The following ARHGAP26 variants were observed in gnomAD, a reference collection of about 807,000 sequenced individuals.
The protein encoded by ARHGAP26 is Rho GTPase activating protein 26.
In ARHGAP26, 38 loss-of-function variants were observed where a neutral mutation model predicts 104.8. The ratio of observed to expected loss-of-function variants is 0.36; its 90% CI spans 0.28 to 0.48. The LOEUF (loss-of-function observed/expected upper bound fraction) is 0.48. Ranked by LOEUF, ARHGAP26 falls within the 20% of genes least tolerant of loss-of-function variation. ARHGAP26 has a pLI of 0.99. For synonymous variants in ARHGAP26, 341 were observed against 340.0 expected, an observed-to-expected ratio of 1.00 and a Z score of -0.03; for missense variants, 704 against 947.9, an observed-to-expected ratio of 0.74 and a Z score of 3.38.
intron 11 of ARHGAP26, among the ~76,000 whole-genome samples, chr5:143,006,222 A>G (rs1419896368): frequency 6.6e-6 from 1 of 152,084 alleles, no homozygotes; most frequent in Non-Finnish European, 1.5e-5. Context: ...TGGGGAGAAC[A>G]AAGCGGTCAC....
intron 17 of ARHGAP26, among the ~76,000 whole-genome samples, chr5:143,086,316 A>G (rs77336466): frequency 0.013 from 2,016 of 151,708 alleles, 55 homozygotes; most frequent in East Asian, 0.076. Context: ...TAGAATTTTG[A>G]CTGTGGGGGA....
At chr5:143,027,447 G>C (rs1212837371) in intron 12 of ARHGAP26, among the ~76,000 whole-genome samples, 1 of 151,298 alleles carries the variant, frequency 6.6e-6, no homozygotes, top group Non-Finnish European at 1.5e-5. Context: ...GCCTCCCAAA[G>C]TGCTGGGATT....
intron 1 of ARHGAP26, among the ~76,000 whole-genome samples, chr5:142,787,183 G>C (rs1758846158): frequency 1.3e-5 from 2 of 152,172 alleles, no homozygotes; most frequent in Non-Finnish European, 2.9e-5. Context: ...GTAACATTTA[G>C]TGGCTTATTT....
At chr5:142,924,387 T>G (rs1249726382) in intron 10 of ARHGAP26, among the ~76,000 whole-genome samples, 1 of 152,254 alleles carries the variant, frequency 6.6e-6, no homozygotes, top group Non-Finnish European at 1.5e-5. Context: ...TGGGTTCAAG[T>G]GCAGGCTTTG....
At chr5:142,986,582 G>T (rs565935158) in intron 11 of ARHGAP26, among the ~76,000 whole-genome samples, 22 of 152,324 alleles carry the variant, frequency 1.4e-4, no homozygotes, top group Non-Finnish European at 4.4e-5. Context: ...CCTTGCCCAT[G>T]CCTATGTCCT....
chr5:142,925,859 T>C (rs1332897522), intron 10 of ARHGAP26, among the ~76,000 whole-genome samples: 1 of 152,202 alleles, frequency 6.6e-6, no homozygotes. Context: ...TATAGTCTTA[T>C]GAATGAGTAA....
chr5:143,071,137 A>G (rs1478422653), intron 17 of ARHGAP26, among the ~76,000 whole-genome samples: 4 of 152,120 alleles, frequency 2.6e-5, no homozygotes, highest in Non-Finnish European at 5.9e-5. Context: ...AATGGAACAG[A>G]ATAGAGAACC....
chr5:142,849,072 T>C lies in ARHGAP26; in HGVS notation c.155-24328T>C, dbSNP rs1447729162. Among the ~76,000 whole-genome samples, 2 of 152,250 alleles carry C rather than the reference T, an allele frequency of 1.3e-5. 1 individual carries two copies. The highest frequency in any genetic ancestry group is 3.8e-4 in the East Asian group (2 of 5,196). ...GGTGATACCATGCCCAACTCTAACT[T>C]GATTTTTTATCAAATGTGTTTATTA... On this transcript the variant is annotated intron_variant, in intron 1 of 22. Coordinates refer to ENST00000645722, the MANE Select transcript of ARHGAP26 (RefSeq NM_001135608.3).
At chr5:143,197,983 C>A (rs901165752) in intron 20 of ARHGAP26, among the ~76,000 whole-genome samples, 3 of 152,130 alleles carry the variant, frequency 2.0e-5, no homozygotes, top group African/African-American at 7.2e-5. Context: ...ATCCAGTTCC[C>A]CACTCTCAAC....
chr5:143,169,407 C>T (rs1174583420), intron 20 of ARHGAP26: 1 of 152,246 alleles, frequency 6.6e-6, no homozygotes, highest in African/African-American at 2.4e-5. Context: ...CCAGCTCTTG[C>T]CAGCTCTCAT....
chr5:142,969,231 A>G (rs948841413), intron 11 of ARHGAP26: 1 of 152,250 alleles, frequency 6.6e-6, no homozygotes, highest in Admixed American at 6.5e-5. Flanking sequence ...ATGAGCCACC[A>G]TGCCTGACCA....
At chr5:143,120,652 T>C (rs1328352754) in intron 17 of ARHGAP26, among the ~76,000 whole-genome samples, 2 of 152,200 alleles carry the variant, frequency 1.3e-5, no homozygotes, top group African/African-American at 4.8e-5. Context: ...TAAATTGTAA[T>C]TAAGAGGGAT....
chr5:142,949,428 T>C (rs953577964), intron 11 of ARHGAP26, among the ~76,000 whole-genome samples: 1 of 152,094 alleles, frequency 6.6e-6, no homozygotes, highest in Admixed American at 6.5e-5. Flanking sequence ...TAAAATCCAG[T>C]CATTATGAGT....
intron 1 of ARHGAP26, among the ~76,000 whole-genome samples, chr5:142,858,033 G>A (rs1752644187): frequency 6.6e-6 from 1 of 151,736 alleles, no homozygotes; most frequent in African/African-American, 2.4e-5. Context: ...GAGAGGGAGA[G>A]AGAAGGAATG....
At chr5:143,102,459 A>G (rs1212413548) in intron 17 of ARHGAP26, among the ~76,000 whole-genome samples, 1 of 152,176 alleles carries the variant, frequency 6.6e-6, no homozygotes, top group Admixed American at 6.5e-5. Flanking sequence ...ATCAGAGGCA[A>G]TCTTTTTCCT....
intron 20 of ARHGAP26, among the ~76,000 whole-genome samples, chr5:143,163,240 G>A (rs1801489603): frequency 6.6e-6 from 1 of 152,208 alleles, no homozygotes; most frequent in Non-Finnish European, 1.5e-5. Flanking sequence ...GCCAATGCAA[G>A]ATACATTTTA....
At chr5:142,937,868 G>C (rs553690769) in intron 11 of ARHGAP26, among the ~76,000 whole-genome samples, 1 of 152,042 alleles carries the variant, frequency 6.6e-6, no homozygotes, top group East Asian at 1.9e-4. Flanking sequence ...TGATATCCAG[G>C]GTATACGGAC....
intron 1 of ARHGAP26, among the ~76,000 whole-genome samples, chr5:142,832,400 A>G (rs1768646196): frequency 6.6e-6 from 1 of 152,246 alleles, no homozygotes; most frequent in East Asian, 1.9e-4. Flanking sequence ...CTCTGCACAC[A>G]TGCACAAAGA....
chr5:142,946,339 A>G (rs1414275222), intron 11 of ARHGAP26, among the ~76,000 whole-genome samples: 1 of 152,142 alleles, frequency 6.6e-6, no homozygotes, highest in Non-Finnish European at 1.5e-5. Context: ...AGACATTCCG[A>G]GCTGTGACCT....
Sources: gnomAD v4.1 joint callset for allele counts (sites outside exome capture counted in the v4.1 genomes callset) on GRCh38, gnomAD v4.1.1 for gene constraint, MANE v1.5 for transcripts, NCBI Gene and HGNC (gene_info 2026-07-23, HGNC 2026-07-21) for gene names.